AKAP7: variants seen among roughly 807,000 people sequenced by gnomAD.
AKAP7 encodes the protein A kinase (PRKA) anchor protein 7.
A neutral mutation model predicts 39.5 loss-of-function variants in AKAP7; 39 were observed. The observed-to-expected ratio is 0.99, with a 90% CI of 0.76 to 1.29. The LOEUF (loss-of-function observed/expected upper bound fraction) is 1.29, where lower values mean the gene tolerates loss of function less well. Ranked by LOEUF, AKAP7 falls within the 50% of genes most tolerant of loss-of-function variation. The pLI is 0.00. For synonymous variants in AKAP7, 140 were observed against 139.1 expected, an observed-to-expected ratio of 1.01 and a Z score of -0.05; for missense variants, 414 against 407.7, an observed-to-expected ratio of 1.02 and a Z score of -0.13.
At position 131,187,987 on chromosome 6, in the gene AKAP7, A is replaced by G. The variant is rs1806032286; in HGVS notation, c.590-11474A>G. Among the ~76,000 whole-genome samples the G allele has an allele frequency of 2.0e-5, 3 of 152,340 alleles. No individual in the cohort carries two copies. In the South Asian group the frequency reaches 6.2e-4, roughly 32 times the overall value. The stretch of plus-strand genomic sequence containing the variant: ...GTTAAGTGATGTGTCTAGGAGCACA[A>G]ACTAAATAATGGGAGAACTGGGTTG... On this transcript the variant is annotated intron_variant, in intron 5 of 7. Coordinates refer to ENST00000431975, the MANE Select transcript of AKAP7 (RefSeq NM_016377.4).
At chr6:131,211,781 A>T (rs1808678724) in intron 6 of AKAP7, among the ~76,000 whole-genome samples, 2 of 151,150 alleles carry the variant, frequency 1.3e-5, no homozygotes, top group South Asian at 4.2e-4. Flanking sequence ...TCAAAAAAAA[A>T]AAAAAAAAAA....
At chr6:131,172,897 T>C (rs1804209987) in intron 5 of AKAP7, among the ~76,000 whole-genome samples, 1 of 152,172 alleles carries the variant, frequency 6.6e-6, no homozygotes, top group Admixed American at 6.5e-5. Flanking sequence ...CATGAGTTGA[T>C]TAGAAAAAAT....
chr6:131,144,217 G>A lies in AKAP7; in HGVS notation c.20-1068G>A, dbSNP rs1030270493. On this transcript the variant is annotated intron_variant, in intron 1 of 7. Transcript: ENST00000431975. ...TCTCAATTTTTTCCCCACCCTTCCC[G>A]CCTTTCTATTCCACAAAACCGCCAT... Among the ~76,000 whole-genome samples, 7 of 149,608 alleles carry A rather than the reference G, an allele frequency of 4.7e-5. No homozygotes were observed. In the East Asian group the frequency reaches 7.9e-4, roughly 17 times the overall value.
intron 3 of AKAP7, among the ~76,000 whole-genome samples, chr6:131,164,691 TG>T: frequency 6.6e-6 from 1 of 152,324 alleles, no homozygotes; most frequent in Admixed American, 6.5e-5. Context: ...GACCTTTCTG[TG>T]GCAAGAATAA....
intron 6 of AKAP7, among the ~76,000 whole-genome samples, chr6:131,209,453 T>A (rs1808448880): frequency 1.3e-5 from 2 of 152,124 alleles, no homozygotes; most frequent in Non-Finnish European, 2.9e-5. Flanking sequence ...GATTTCACCA[T>A]GTTAGCCAGG....
At chr6:131,212,353 T>C (rs547698787) in intron 6 of AKAP7, among the ~76,000 whole-genome samples, 1 of 152,254 alleles carries the variant, frequency 6.6e-6, no homozygotes, top group Non-Finnish European at 1.5e-5. Context: ...AGAGAAACAT[T>C]CATTTTAAAA....
rs1170876971 is a variant in AKAP7, at chr6:131,160,164, A to T, written c.257A>T (p.Asn86Ile). The T allele has an allele frequency of 1.2e-6, 2 of 1,611,844 alleles. No homozygotes were observed. The highest frequency in any genetic ancestry group is 1.7e-6 in the Non-Finnish European group (2 of 1,179,534). The change falls in exon 3 of 8, where the codon AAC becomes ATC. Residue 86 changes from asparagine (N) to isoleucine (I), a missense_variant. Coordinates refer to ENST00000431975, the MANE Select transcript of AKAP7 (RefSeq NM_016377.4). Reference sequence around the variant, plus strand: ...AAAAAGAGAAAAGATTATCAACCCAACTATTTCCTGTCCATTCCAATCACC... The same window carrying T: ...AAAAAGAGAAAAGATTATCAACCCATCTATTTCCTGTCCATTCCAATCACC... Reference protein sequence around the residue: ...RKKKRKDYQPNYFLSIPITNK... With the variant: ...RKKKRKDYQPIYFLSIPITNK...
chr6:131,166,604 T>C (rs1361504040), intron 4 of AKAP7, among the ~76,000 whole-genome samples: 3 of 152,162 alleles, frequency 2.0e-5, no homozygotes, highest in Non-Finnish European at 4.4e-5. Flanking sequence ...GAATTCCTTC[T>C]TAGGAGACTC....
At chr6:131,137,384 C>CT (rs398066280) in intron 1 of AKAP7, 6,520 of 143,598 alleles carry the variant, frequency 0.045, 496 homozygotes, top group African/African-American at 0.15. Flanking sequence ...TTTTCTCTCT[C>CT]TTTTTTTTTT....
intron 7 of AKAP7, among the ~76,000 whole-genome samples, chr6:131,276,245 A>G (rs1814728557): frequency 6.6e-6 from 1 of 152,158 alleles, no homozygotes; most frequent in East Asian, 1.9e-4. Context: ...TGGTGTTTTA[A>G]TTATAAAATT....
At chr6:131,266,432 T>C (rs2128330646) in intron 7 of AKAP7, among the ~76,000 whole-genome samples, 1 of 152,352 alleles carries the variant, frequency 6.6e-6, no homozygotes, top group East Asian at 1.9e-4. Flanking sequence ...AGTGTACTAT[T>C]ACTCAACAAG....
chr6:131,152,538 A>G (rs1168724486), intron 2 of AKAP7, among the ~76,000 whole-genome samples: 1 of 152,172 alleles, frequency 6.6e-6, no homozygotes, highest in Non-Finnish European at 1.5e-5. Context: ...AGAGAGAAGA[A>G]ATATTGGGGC....
At chr6:131,244,822 G>T (rs9492880) in intron 7 of AKAP7, among the ~76,000 whole-genome samples, 47,406 of 151,794 alleles carry the variant, frequency 0.31, 7,708 homozygotes, top group Middle Eastern at 0.4. Context: ...TGCTTTTATG[G>T]CTTCTGTTTT....
rs573192719 is a variant in AKAP7, at chr6:131,179,175, T to G, written c.589+9902T>G. On this transcript the variant is annotated intron_variant, in intron 5 of 7. Coordinates refer to ENST00000431975, the MANE Select transcript of AKAP7 (RefSeq NM_016377.4). ...TACCTTATTGTCTATTCGGTTTTTT[T>G]TTTGTTTGTTTGTTTTGAGATGGAG... Among the ~76,000 whole-genome samples, 299 of 152,216 alleles carry G rather than the reference T, an allele frequency of 2.0e-3. 1 individual carries two copies. Among genetic ancestry groups the G allele is most frequent in the African/African-American group, 6.8e-3 (281 of 41,526 alleles).
At chr6:131,256,555 C>G (rs532971425) in intron 7 of AKAP7, among the ~76,000 whole-genome samples, 225 of 152,252 alleles carry the variant, frequency 1.5e-3, no homozygotes, top group Non-Finnish European at 2.7e-3. Flanking sequence ...CTGCCATGAG[C>G]TGTATCCAAA....
intron 7 of AKAP7, among the ~76,000 whole-genome samples, chr6:131,223,062 A>C (rs1159789943): frequency 6.6e-6 from 1 of 152,216 alleles, no homozygotes; most frequent in African/African-American, 2.4e-5. Flanking sequence ...TTGGCAATAA[A>C]GTGTATTTAA....
At chr6:131,265,741 TAG>T (rs911192151) in intron 7 of AKAP7, among the ~76,000 whole-genome samples, 4 of 152,242 alleles carry the variant, frequency 2.6e-5, no homozygotes, top group African/African-American at 9.6e-5. Flanking sequence ...TGGAGCCACA[TAG>T]GTCTACATTT....
chr6:131,202,311 A>G (rs1269018884), intron 6 of AKAP7, among the ~76,000 whole-genome samples: 10 of 143,668 alleles, frequency 7.0e-5, no homozygotes, highest in Middle Eastern at 3.4e-3. Context: ...ACGTGCACAC[A>G]TATGTTTATT....
At chr6:131,169,602 C>T (rs772272179) in intron 5 of AKAP7, among the ~76,000 whole-genome samples, 7 of 152,140 alleles carry the variant, frequency 4.6e-5, no homozygotes, top group Admixed American at 6.5e-5. Flanking sequence ...CACCCAGTCC[C>T]CTGGAGGGAC....
Sources: gnomAD v4.1 joint callset for allele counts (sites outside exome capture counted in the v4.1 genomes callset) on GRCh38, gnomAD v4.1.1 for gene constraint, MANE v1.5 for transcripts, NCBI Gene and HGNC (gene_info 2026-07-23, HGNC 2026-07-21) for gene names.